The following DOK6 variants were observed in gnomAD, a reference collection of about 807,000 sequenced individuals.
DOK6 encodes downstream of tyrosine kinase 6.
DOK6 carries 22 observed loss-of-function variants against 44.0 expected under a neutral mutation model. The observed-to-expected ratio is 0.50, with a 90% CI of 0.36 to 0.71. The LOEUF (loss-of-function observed/expected upper bound fraction) is 0.71, where lower values mean the gene tolerates loss of function less well. Ranked by LOEUF, DOK6 falls within the 30% of genes least tolerant of loss-of-function variation. The probability of loss-of-function intolerance (pLI) is 0.00; values close to 1 mark genes in which losing one functional copy is unlikely to be tolerated. For synonymous variants in DOK6, 166 were observed against 145.5 expected (o/e 1.14, Z -1.01); for missense variants, 340 against 416.4 (o/e 0.82, Z 1.60).
intron 4 of DOK6, among the ~76,000 whole-genome samples, chr18:69,681,888 G>C (rs1986053502): frequency 6.6e-6 from 1 of 152,176 alleles, no homozygotes; most frequent in African/African-American, 2.4e-5. Flanking sequence ...ACAAAGGATA[G>C]GTCCAATTTG....
At chr18:69,515,378 G>A (rs188457755) in intron 1 of DOK6, among the ~76,000 whole-genome samples, 102 of 152,290 alleles carry the variant, frequency 6.7e-4, no homozygotes, top group Non-Finnish European at 1.3e-3. Context: ...CAGCCTGTGT[G>A]CTTCAGTGTT....
At chr18:69,565,054 A>G (rs1050835939) in intron 2 of DOK6, among the ~76,000 whole-genome samples, 1 of 152,194 alleles carries the variant, frequency 6.6e-6, no homozygotes, top group African/African-American at 2.4e-5. Flanking sequence ...TGATGTGTAG[A>G]GATAAGGCAT....
intron 3 of DOK6, among the ~76,000 whole-genome samples, chr18:69,616,478 A>G (rs1372053569): frequency 3.5e-5 from 1 of 28,364 alleles, no homozygotes; most frequent in African/African-American, 1.2e-4. Context: ...AGAACTAACT[A>G]CTAGATGTGC....
rs931104410 is a variant in DOK6 at position 69,547,931 on chromosome 18, AAT to A, written c.67-16546_67-16545del. Among the ~76,000 whole-genome samples, 6 of 143,588 alleles carry A rather than the reference AAT, an allele frequency of 4.2e-5. No homozygotes were observed. The East Asian group carries it at 7.8e-4, about 19-fold the overall frequency. The allele number at this position is 143,588 out of a possible 152,430, so 94.2% of individuals were successfully genotyped here. ...TCCATTGTATCTATATATAATATAT[AAT>A]ATATATATAATATATATAAAATATA... On this transcript the variant is annotated intron_variant, in intron 1 of 7. Coordinates refer to ENST00000382713, the MANE Select transcript of DOK6 (RefSeq NM_152721.6).
chr18:69,561,945 A>G (rs1982843659), intron 1 of DOK6, among the ~76,000 whole-genome samples: 1 of 152,182 alleles, frequency 6.6e-6, no homozygotes, highest in African/African-American at 2.4e-5. Flanking sequence ...CAACTTTGCA[A>G]TTTAAATGAA....
intron 3 of DOK6, among the ~76,000 whole-genome samples, chr18:69,616,164 G>T (rs1006088639): frequency 2.0e-5 from 3 of 152,172 alleles, no homozygotes; most frequent in Non-Finnish European, 4.4e-5. Flanking sequence ...TATCCTGAGA[G>T]GCTTCTCTTC....
chr18:69,805,731 A>C (rs1272941529), intron 7 of DOK6, among the ~76,000 whole-genome samples: 1 of 152,136 alleles, frequency 6.6e-6, no homozygotes, highest in African/African-American at 2.4e-5. Flanking sequence ...TATATATGAT[A>C]ATGTTTGAGA....
At chr18:69,487,175 ATATGTGTGTGTGTGTGTG>A (rs987031756) in intron 1 of DOK6, among the ~76,000 whole-genome samples, 8 of 102,628 alleles carry the variant, frequency 7.8e-5, no homozygotes, top group African/African-American at 2.1e-4. Flanking sequence ...CACTGATAGG[ATATGTGTGTGTGTGTGTG>A]TGTGTGTGTG....
intron 4 of DOK6, among the ~76,000 whole-genome samples, chr18:69,695,293 C>G (rs955741597): frequency 6.6e-6 from 1 of 152,182 alleles, no homozygotes; most frequent in African/African-American, 2.4e-5. Flanking sequence ...GGGGGCCCAG[C>G]ATTCTGTGTT....
At chr18:69,412,585 GT>G (rs1045991657) in intron 1 of DOK6, among the ~76,000 whole-genome samples, 7 of 151,936 alleles carry the variant, frequency 4.6e-5, no homozygotes, top group Admixed American at 2.0e-4. Context: ...AATGCAAGTT[GT>G]TTTTCACCAT....
At chr18:69,488,475 C>T (rs56258422) in intron 1 of DOK6, among the ~76,000 whole-genome samples, 3,373 of 152,104 alleles carry the variant, frequency 0.022, 58 homozygotes, top group Middle Eastern at 0.058. Context: ...TGTTTTAGTC[C>T]GTTTTAGTAC....
At chr18:69,803,116 T>G (rs1318077394) in intron 7 of DOK6, among the ~76,000 whole-genome samples, 1 of 152,102 alleles carries the variant, frequency 6.6e-6, no homozygotes, top group African/African-American at 2.4e-5. Context: ...TTTGTATTGA[T>G]TTATCTGATT....
At position 69,732,881 on chromosome 18, in the gene DOK6, G is replaced by A. The variant is rs114752098; in HGVS notation, c.600-6084G>A. ...ATGTGTATTAGTCCATTCTCACACC[G>A]CTAAGAAGAATTATCCGAGACCGGG... On this transcript the variant is annotated intron_variant, in intron 5 of 7. Transcript: ENST00000382713. Among the ~76,000 whole-genome samples, 703 of 152,266 alleles carry A rather than the reference G, an allele frequency of 4.6e-3. 5 individuals carry two copies. The highest frequency in any genetic ancestry group is 0.016 in the African/African-American group (672 of 41,562).
At chr18:69,779,347 A>G (rs1980180150) in intron 7 of DOK6, among the ~76,000 whole-genome samples, 1 of 151,902 alleles carries the variant, frequency 6.6e-6, no homozygotes, top group South Asian at 2.1e-4. Context: ...CCTACTGCAT[A>G]TATGTCCCTG....
At chr18:69,659,503 A>G (rs547381584) in intron 3 of DOK6, among the ~76,000 whole-genome samples, 92 of 152,308 alleles carry the variant, frequency 6.0e-4, no homozygotes, top group African/African-American at 2.2e-3. Flanking sequence ...GAAACTGAAC[A>G]TTGCTCACGT....
chr18:69,564,675 C>A, intron 2 of DOK6, 81 bp downstream of exon 2: 2 of 1,101,558 alleles, frequency 1.8e-6, no homozygotes. Flanking sequence ...TAAATGAAAT[C>A]TTCAGTGGCA....
At chr18:69,814,712 G>T (rs1981345405) in intron 7 of DOK6, among the ~76,000 whole-genome samples, 1 of 152,072 alleles carries the variant, frequency 6.6e-6, no homozygotes, top group Admixed American at 6.6e-5. Context: ...GAGAGAGAGT[G>T]CAAGGGGAAA....
intron 7 of DOK6, among the ~76,000 whole-genome samples, chr18:69,782,493 G>A (rs28403070): frequency 0.21 from 32,449 of 152,012 alleles, 3,706 homozygotes; most frequent in East Asian, 0.29. Context: ...TTACAGGCGT[G>A]AGCCACCGCA....
At chr18:69,531,929 T>C (rs780794850) in intron 1 of DOK6, among the ~76,000 whole-genome samples, 7 of 152,142 alleles carry the variant, frequency 4.6e-5, no homozygotes, top group Non-Finnish European at 8.8e-5. Flanking sequence ...ATGGGGTCTT[T>C]GGGAGGTGAT....
Sources: gnomAD v4.1 joint callset for allele counts (sites outside exome capture counted in the v4.1 genomes callset) on GRCh38, gnomAD v4.1.1 for gene constraint, MANE v1.5 for transcripts, NCBI Gene and HGNC (gene_info 2026-07-23, HGNC 2026-07-21) for gene names.